Variants in CAAP1 observed in about 807,000 individuals in gnomAD.
The protein encoded by CAAP1 is conserved anti-apoptotic protein.
Under a neutral mutation model 34.0 loss-of-function variants are expected in CAAP1, and 20 were observed. That is an observed-to-expected ratio of 0.59 (90% CI 0.41 to 0.86). The LOEUF (loss-of-function observed/expected upper bound fraction) is 0.86. Ranked by LOEUF, CAAP1 falls within the 40% of genes least tolerant of loss-of-function variation. The pLI, the probability that CAAP1 is intolerant of heterozygous loss-of-function variation, is 0.00. For missense variants in CAAP1, 538 were observed against 450.5 expected, an observed-to-expected ratio of 1.19 and a Z score of -1.76; for synonymous variants, 213 against 166.7, an observed-to-expected ratio of 1.28 and a Z score of -2.14.
chr9:26,862,818 C>T (rs1437406026), intron 4 of CAAP1, among the ~76,000 whole-genome samples: 2 of 151,976 alleles, frequency 1.3e-5, no homozygotes, highest in African/African-American at 4.8e-5. Context: ...CAAGTTGATA[C>T]TCTGTTATGG....
In CAAP1 at chr9:26,892,766, C is replaced by A. The variant is rs778613426; in HGVS notation, c.-51G>T. On this transcript the variant is annotated 5_prime_UTR_variant, in exon 1 of 6. Transcript: ENST00000333916. ...GAAAGTCCGCTGTCTCTGGTGCGAC[C>A]GAAGCCCGACTCCTGCGGCCGTGGG... 1.3e-6 allele frequency: 2 copies of A among 1,503,124 alleles called. No homozygotes were observed. The highest frequency in any genetic ancestry group is 2.3e-5 in the East Asian group (1 of 43,772). The allele number at this position is 1,503,124 out of a possible 1,614,324, so 93.1% of individuals were successfully genotyped here. A position where few individuals can be genotyped will look rare whatever the true frequency, so the allele number is the denominator to read the frequency against.
In CAAP1 at chr9:26,842,317, A is replaced by G. The variant is rs780720701; in HGVS notation, c.1070T>C (p.Ile357Thr). The G allele has an allele frequency of 7.6e-6, 12 of 1,569,082 alleles. No individual in the cohort carries two copies. Among genetic ancestry groups the G allele is most frequent in the East Asian group, 2.3e-5 (1 of 44,390 alleles). Residue 357 changes from isoleucine (I) to threonine (T), a missense_variant, in exon 6 of 6, where the codon ATA becomes ACA. Transcript: ENST00000333916. ...AIKALMKAGD[I>T]KKPA is the part of the protein sequence containing the mutation. ...GTTAAATACCTAGGCTGGCTTTTTTATATCACCAGCTTTCATTAGGGCTTT... is the reference window on the plus strand; with the variant it reads ...GTTAAATACCTAGGCTGGCTTTTTTGTATCACCAGCTTTCATTAGGGCTTT...
At chr9:26,845,980 G>A (rs12335633) in intron 5 of CAAP1, among the ~76,000 whole-genome samples, 6,761 of 152,160 alleles carry the variant, frequency 0.044, 513 homozygotes, top group African/African-American at 0.15. Flanking sequence ...GCCTCTCAGA[G>A]TAGAGTGCTT....
intron 1 of CAAP1, chr9:26,892,198 T>C: frequency 3.0e-6 from 4 of 1,315,316 alleles, no homozygotes; most frequent in Non-Finnish European, 4.0e-6. Context: ...AAAAAAGTGA[T>C]CAGGAAATCC....
intron 4 of CAAP1, among the ~76,000 whole-genome samples, chr9:26,866,037 G>C (rs1045029286): frequency 6.6e-6 from 1 of 152,036 alleles, no homozygotes; most frequent in Non-Finnish European, 1.5e-5. Context: ...AGTAGAGACG[G>C]GGTTTCACCA....
rs1460815650 is a variant in CAAP1, at chr9:26,887,415, T to A, written c.402A>T (p.Lys134Asn). The stretch of plus-strand genomic sequence containing the variant: ...TGTCTGATATATAGAAACTAACTGG[T>A]TTCAATGACACAGTCAGGTCCAGTC... ...EGGLDLTVSLKPVSFYISDKK... is the reference protein window; with the variant it reads ...EGGLDLTVSLNPVSFYISDKK... Residue 134 changes from lysine to asparagine, a missense_variant, in exon 2 of 6, where the codon AAA becomes AAT. Lys to Asn is a moderately conservative substitution (Grantham distance 94). This residue lies in a region of CAAP1 where 514 missense variants were observed against 408.4 expected (regional missense o/e 1.26). Transcript: ENST00000333916. The A allele has an allele frequency of 6.2e-7, 1 of 1,613,220 alleles. No individual in the cohort carries two copies.
At chr9:26,884,459 T>A (rs113110993) in intron 4 of CAAP1, among the ~76,000 whole-genome samples, 6,435 of 152,270 alleles carry the variant, frequency 0.042, 468 homozygotes, top group African/African-American at 0.15. Flanking sequence ...AAGTGTTCTA[T>A]GCTGTTTAAT....
chr9:26,856,481 C>A (rs747454111), intron 5 of CAAP1, among the ~76,000 whole-genome samples: 3 of 152,200 alleles, frequency 2.0e-5, no homozygotes, highest in African/African-American at 7.2e-5. Context: ...ATTAACCATT[C>A]TTCCTAAGTA....
rs1028187218 is a variant in CAAP1, at chr9:26,889,867, CAAAAAAA to C, written c.304-2361_304-2355del. 5.2e-3 allele frequency among the ~76,000 whole-genome samples: 266 copies of C among 51,332 alleles called. 1 individual carries two copies. The highest frequency in any genetic ancestry group is 8.4e-3 in the Non-Finnish European group (211 of 25,056). The allele number at this position is 51,332 out of a possible 152,430, so 33.7% of individuals were successfully genotyped here. A position where few individuals can be genotyped will look rare whatever the true frequency, so the allele number is the denominator to read the frequency against. ...TGGGCGACAGAGCGAGACTCTGTCT[CAAAAAAA>C]AAAAAAAAAAAAAAAGGAACCTCAA... On this transcript the variant is annotated intron_variant, in intron 1 of 5. Transcript: ENST00000333916.
chr9:26,889,867 C>CAAA (rs1028187218), intron 1 of CAAP1, among the ~76,000 whole-genome samples: 17 of 51,156 alleles, frequency 3.3e-4, no homozygotes, highest in African/African-American at 8.3e-4. Flanking sequence ...GACTCTGTCT[C>CAAA]AAAAAAAAAA....
chr9:26,846,002 C>T (rs192392636), intron 5 of CAAP1, among the ~76,000 whole-genome samples: 7 of 152,010 alleles, frequency 4.6e-5, no homozygotes, highest in Admixed American at 2.6e-4. Context: ...GATATATGGC[C>T]GTGAAAAGGA....
intron 1 of CAAP1, among the ~76,000 whole-genome samples, chr9:26,889,989 T>A (rs1004489432): frequency 6.6e-6 from 1 of 152,048 alleles, no homozygotes; most frequent in Admixed American, 6.6e-5. Context: ...AATACACTAA[T>A]TTTTCATTAG....
intron 4 of CAAP1, among the ~76,000 whole-genome samples, chr9:26,877,244 G>T (rs1823459399): frequency 6.6e-6 from 1 of 151,882 alleles, no homozygotes. Context: ...TTTAGACTTG[G>T]GTCCATCCCC....
chr9:26,844,155 T>C (rs762163165), intron 5 of CAAP1, among the ~76,000 whole-genome samples: 5 of 151,964 alleles, frequency 3.3e-5, no homozygotes, highest in Non-Finnish European at 5.9e-5. Context: ...GTCAGGAGTT[T>C]GAGACCAGCC....
intron 5 of CAAP1, among the ~76,000 whole-genome samples, chr9:26,853,796 A>C (rs1822808587): frequency 6.6e-6 from 1 of 152,208 alleles, no homozygotes; most frequent in South Asian, 2.1e-4. Flanking sequence ...TTTTAACAGG[A>C]GATAAGGGGA....
intron 4 of CAAP1, among the ~76,000 whole-genome samples, chr9:26,863,378 A>T (rs1004579248): frequency 1.3e-5 from 2 of 152,218 alleles, no homozygotes; most frequent in Admixed American, 1.3e-4. Flanking sequence ...TTGAAAATTT[A>T]AAATCTATAC....
rs541569863 is a variant in CAAP1, at chr9:26,856,405, T to C, written c.739+4661A>G. Among the ~76,000 whole-genome samples the C allele has an allele frequency of 7.2e-5, 11 of 152,274 alleles. No homozygotes were observed. The East Asian group carries it at 2.1e-3, about 29-fold the overall frequency. ...TCTTTTCTTCCAATAGAATAAAAAA[T>C]GTAGAGATAGCAAAAAAGAGTGTAT... On this transcript the variant is annotated intron_variant, in intron 5 of 5. Transcript: ENST00000333916.
rs758872338 is a variant in CAAP1, at chr9:26,892,710, C to A, written c.6G>T (p.Thr2=). The A allele has an allele frequency of 1.9e-6, 3 of 1,591,690 alleles. No homozygotes were observed. The highest frequency in any genetic ancestry group is 3.4e-5 in the Admixed American group (2 of 59,058). M[T]GKKSSREKRR... The stretch of plus-strand genomic sequence containing the variant: ...GTTTCTCCCGGGAGGACTTTTTCCC[C>A]GTCATGATCCCTCTGCTGCAACCAT... Residue 2 remains threonine, a synonymous_variant, in exon 1 of 6, where the codon ACG becomes ACT. Coordinates refer to ENST00000333916, the MANE Select transcript of CAAP1 (RefSeq NM_024828.4).
intron 4 of CAAP1, among the ~76,000 whole-genome samples, chr9:26,881,681 A>C (rs1823596306): frequency 6.6e-6 from 1 of 152,220 alleles, no homozygotes; most frequent in South Asian, 2.1e-4. Context: ...AAACAGACTA[A>C]TACAGTAAAT....
Sources: allele counts gnomAD v4.1 joint callset (sites outside exome capture counted in the v4.1 genomes callset), GRCh38; gene constraint gnomAD v4.1.1; regional missense constraint gnomAD v4.1.1; transcripts MANE v1.5; gene names NCBI Gene and HGNC (gene_info 2026-07-23, HGNC 2026-07-21).